MAP1LC3A: variants seen among roughly 807,000 people sequenced by gnomAD.
MAP1LC3A encodes the protein microtubule associated protein 1 light chain 3 alpha.
A neutral mutation model predicts 15.2 loss-of-function variants in MAP1LC3A; 10 were observed. The ratio of observed to expected loss-of-function variants is 0.66; its 90% CI spans 0.41 to 1.12. MAP1LC3A has a LOEUF of 1.12. MAP1LC3A is among the 50% of genes most tolerant of loss of function. The pLI, the probability that MAP1LC3A is intolerant of heterozygous loss-of-function variation, is 0.00. For missense variants in MAP1LC3A, 138 were observed against 167.3 expected (o/e 0.82, Z 0.97); for synonymous variants, 63 against 64.3 (o/e 0.98, Z 0.10).
At chr20:34,551,468 T>C (rs959334554) in intron 2 of MAP1LC3A, among the ~76,000 whole-genome samples, 1 of 52,778 alleles carries the variant, frequency 1.9e-5, no homozygotes, top group Non-Finnish European at 3.6e-5. Context: ...AACGCTGTCC[T>C]TTTTTTTTTT....
At chr20:34,559,594 C>T (rs1982348920) in intron 3 of MAP1LC3A, 141 bp downstream of exon 3, 6 of 1,233,136 alleles carry the variant, frequency 4.9e-6, no homozygotes, top group South Asian at 1.3e-5. Context: ...AGGTCAAGGT[C>T]GGGGCTGCAG....
chr20:34,553,207 A>T (rs976221688), intron 2 of MAP1LC3A, among the ~76,000 whole-genome samples: 1 of 152,094 alleles, frequency 6.6e-6, no homozygotes, highest in Non-Finnish European at 1.5e-5. Context: ...AAAATAAATA[A>T]ATGAAAAAGG....
At chr20:34,555,597 G>A (rs1281906828), upstream of MAP1LC3A, among the ~76,000 whole-genome samples, 4 of 151,386 alleles carry the variant, frequency 2.6e-5, no homozygotes, top group African/African-American at 9.7e-5. Context: ...TCTGCTCATG[G>A]ATTTTCTGTA....
intron 2 of MAP1LC3A, among the ~76,000 whole-genome samples, chr20:34,551,540 C>T (rs969442273): frequency 1.6e-5 from 2 of 127,484 alleles, no homozygotes; most frequent in East Asian, 5.3e-4. Flanking sequence ...GGCACGATTT[C>T]GGCTCACTGC....
chr20:34,553,188 C>G (rs1034092002), intron 2 of MAP1LC3A, among the ~76,000 whole-genome samples: 3 of 151,740 alleles, frequency 2.0e-5, no homozygotes, highest in Admixed American at 6.6e-5. Flanking sequence ...AATTGCATCT[C>G]AAAAATGAAA....
intron 2 of MAP1LC3A, among the ~76,000 whole-genome samples, chr20:34,553,571 C>T (rs1439587051): frequency 6.6e-6 from 1 of 152,230 alleles, no homozygotes; most frequent in Admixed American, 6.5e-5. Flanking sequence ...CACATTTAAT[C>T]TTCTGTGGCA....
upstream of MAP1LC3A, among the ~76,000 whole-genome samples, chr20:34,557,399 C>A (rs75278975): frequency 1.3e-5 from 2 of 151,954 alleles, no homozygotes; most frequent in East Asian, 1.9e-4. Flanking sequence ...CCTGACTTTA[C>A]AAAGCCAGAC....
At chr20:34,558,633 G>A (rs775067412), upstream of MAP1LC3A, 532 of 1,224,112 alleles carry the variant, frequency 4.3e-4, 3 homozygotes, top group Non-Finnish European at 2.5e-4. The surrounding 1 kb of genome is among the most constrained non-coding windows in gnomAD (Gnocchi z 4.3). Flanking sequence ...TGACGTCACG[G>A]GTCCGGGCGG....
At position 34,558,839 on chromosome 20, in the gene MAP1LC3A, C is replaced by T. The variant is rs1377593468; in HGVS notation, c.-30C>T. On this transcript the variant is annotated 5_prime_UTR_variant, in exon 1 of 4. Transcript: ENST00000360668. The surrounding 1 kb of genome is among the most constrained non-coding windows in gnomAD (Gnocchi z 4.3). The stretch of plus-strand genomic sequence containing the variant: ...AGACACATCCCCGCGCCCCAGAGCC[C>T]CGGCCTGCGCGCCCAGCCGGGCCCG... 2.1e-6 allele frequency: 3 copies of T among 1,432,368 alleles called. No homozygotes were observed. The highest frequency in any genetic ancestry group is 1.4e-5 in the South Asian group (1 of 71,500). 88.7% of individuals were successfully genotyped at this position (1,432,368 alleles called of 1,614,324 possible).
At chr20:34,555,667 T>C (rs1363596673), upstream of MAP1LC3A, among the ~76,000 whole-genome samples, 1 of 151,680 alleles carries the variant, frequency 6.6e-6, no homozygotes, top group South Asian at 2.1e-4. Context: ...TTTTTTTTTT[T>C]AAAGAAATGG....
In MAP1LC3A at chr20:34,550,542, G is replaced by T. The variant is rs966695114; in HGVS notation, c.52+513G>T. Among the ~76,000 whole-genome samples, 7 of 152,282 alleles carry T rather than the reference G, an allele frequency of 4.6e-5. No homozygotes were observed. The East Asian group carries it at 1.2e-3, about 25-fold the overall frequency. On this transcript the variant is annotated intron_variant, in intron 2 of 4. Coordinates refer to the MAP1LC3A transcript ENST00000374837. ...TCAAGGGCTTGCACTTTAGTGAGAAGGAAATAAAATTTTATAATATTAAAT... is the reference window on the plus strand; with the variant it reads ...TCAAGGGCTTGCACTTTAGTGAGAATGAAATAAAATTTTATAATATTAAAT...
intron 2 of MAP1LC3A, among the ~76,000 whole-genome samples, chr20:34,552,890 A>G (rs1302329609): frequency 2.0e-5 from 3 of 152,174 alleles, no homozygotes; most frequent in Non-Finnish European, 4.4e-5. Context: ...GGAAGGAGTC[A>G]AGAATGACTC....
chr20:34,558,406 T>A (rs1982239177), upstream of MAP1LC3A: 1 of 990,698 alleles, frequency 1.0e-6, no homozygotes, highest in African/African-American at 1.7e-5. This position sits in a 1 kb window ranked among gnomAD's most constrained non-coding sequence, Gnocchi z 4.3. Flanking sequence ...GCGTCAGTCC[T>A]GACACAGACT....
At chr20:34,552,689 C>T (rs568182786) in intron 2 of MAP1LC3A, among the ~76,000 whole-genome samples, 1 of 152,224 alleles carries the variant, frequency 6.6e-6, no homozygotes, top group Non-Finnish European at 1.5e-5. Context: ...GAGGCAAGGC[C>T]AGGGCAGGAA....
At chr20:34,554,905 A>G (rs1396480206), upstream of MAP1LC3A, among the ~76,000 whole-genome samples, 6 of 145,888 alleles carry the variant, frequency 4.1e-5, no homozygotes, top group South Asian at 1.3e-3. Context: ...ATGGGGTTTC[A>G]CCATATTGCC....
upstream of MAP1LC3A, among the ~76,000 whole-genome samples, chr20:34,553,942 C>T (rs1025929016): frequency 6.6e-6 from 1 of 152,186 alleles, no homozygotes; most frequent in African/African-American, 2.4e-5. Flanking sequence ...AACATTCTTA[C>T]CCTTGTTTCC....
chr20:34,556,534 C>G (rs1321343319), upstream of MAP1LC3A, among the ~76,000 whole-genome samples: 1 of 150,086 alleles, frequency 6.7e-6, no homozygotes, highest in Non-Finnish European at 1.5e-5. Flanking sequence ...TCAAAGAGGT[C>G]TTATGTCTCC....
intron 1 of MAP1LC3A, 79 bp from the exon 2 acceptor site, chr20:34,559,129 C>CG (rs1982302267): frequency 1.4e-6 from 2 of 1,399,442 alleles, no homozygotes; most frequent in East Asian, 5.6e-5. Flanking sequence ...GGGGCGTGGC[C>CG]GGGGGCCGCC....
Position 34,558,808 on chromosome 20 carries a change from A to G in MAP1LC3A, c.-61A>G. On this transcript the variant is annotated 5_prime_UTR_variant, in exon 1 of 4. Coordinates refer to ENST00000360668, the MANE Select transcript of MAP1LC3A (RefSeq NM_032514.4). The surrounding 1 kb of genome is among the most constrained non-coding windows in gnomAD (Gnocchi z 4.3). ...AGGCGCGGAGCCCCCGGAGCCCCCA[A>G]ACCGCAGACACATCCCCGCGCCCCA... 3 of 1,394,140 alleles carry G rather than the reference A, an allele frequency of 2.2e-6. No individual in the cohort carries two copies. Among genetic ancestry groups the G allele is most frequent in the Admixed American group, 3.5e-5 (1 of 28,774 alleles). 86.4% of individuals were successfully genotyped at this position (1,394,140 alleles called of 1,614,324 possible).
Sources: allele counts gnomAD v4.1 joint callset (sites outside exome capture counted in the v4.1 genomes callset), GRCh38; gene constraint gnomAD v4.1.1; non-coding constraint Gnocchi (gnomAD v3.1); transcripts MANE v1.5; gene names NCBI Gene and HGNC (gene_info 2026-07-23, HGNC 2026-07-21).